The following SPAG16 variants were observed in gnomAD, a reference collection of about 807,000 sequenced individuals.
SPAG16 encodes the protein sperm associated antigen 16.
SPAG16 carries 86 observed loss-of-function variants against 80.4 expected under a neutral mutation model. The observed-to-expected ratio is 1.07, with a 90% confidence interval of 0.90 to 1.28. SPAG16 has a LOEUF of 1.28. Ranked by LOEUF, SPAG16 falls within the 50% of genes most tolerant of loss-of-function variation. SPAG16 has a pLI of 0.00. For missense variants in SPAG16, 870 were observed against 765.3 expected (o/e 1.14, Z -1.61); for synonymous variants, 294 against 265.9 (o/e 1.11, Z -1.03).
At chr2:214,267,085 A>G (rs1029378056) in intron 15 of SPAG16, among the ~76,000 whole-genome samples, 1 of 151,826 alleles carries the variant, frequency 6.6e-6, no homozygotes, top group African/African-American at 2.4e-5. Context: ...AGAAAAAAAA[A>G]TCCTAAAATT....
intron 10 of SPAG16, among the ~76,000 whole-genome samples, chr2:213,809,835 ACT>A (rs906651205): frequency 1.1e-4 from 17 of 152,046 alleles, no homozygotes; most frequent in Non-Finnish European, 2.2e-4. Context: ...AACAACATTA[ACT>A]CTGTTTCTAG....
At chr2:213,708,201 A>G (rs942812047) in intron 10 of SPAG16, among the ~76,000 whole-genome samples, 5 of 152,214 alleles carry the variant, frequency 3.3e-5, no homozygotes, top group African/African-American at 1.2e-4. Flanking sequence ...TATTAACTGT[A>G]CAAAACAAAG....
intron 15 of SPAG16, among the ~76,000 whole-genome samples, chr2:214,258,884 G>A (rs555141485): frequency 1.3e-5 from 2 of 151,228 alleles, no homozygotes; most frequent in South Asian, 2.1e-4. Flanking sequence ...ATTTCAATTT[G>A]GTATTTTATA....
chr2:213,744,303 C>A (rs1175157204), intron 10 of SPAG16, among the ~76,000 whole-genome samples: 1 of 152,052 alleles, frequency 6.6e-6, no homozygotes, highest in Non-Finnish European at 1.5e-5. Flanking sequence ...AATTGAGAAT[C>A]TCCTCCTTGA....
intron 10 of SPAG16, among the ~76,000 whole-genome samples, chr2:213,667,280 G>T (rs1284224890): frequency 6.6e-6 from 1 of 152,174 alleles, no homozygotes; most frequent in African/African-American, 2.4e-5. Context: ...AGATCACTAG[G>T]AAATTCAGGA....
chr2:214,245,238 G>C (rs1428610202), intron 15 of SPAG16, among the ~76,000 whole-genome samples: 1 of 152,094 alleles, frequency 6.6e-6, no homozygotes, highest in Admixed American at 6.6e-5. Flanking sequence ...TTATGTAGAT[G>C]CTTTTAATAT....
intron 10 of SPAG16, among the ~76,000 whole-genome samples, chr2:213,841,853 T>C (rs537559313): frequency 6.6e-6 from 1 of 152,264 alleles, no homozygotes; most frequent in East Asian, 1.9e-4. Flanking sequence ...GTTATATGTA[T>C]AAGAATTTTT....
intron 9 of SPAG16, among the ~76,000 whole-genome samples, chr2:213,456,895 T>C (rs1475732196): frequency 6.6e-6 from 1 of 152,202 alleles, no homozygotes; most frequent in Non-Finnish European, 1.5e-5. Context: ...GATTTGGTAT[T>C]GTTTCTAACA....
intron 12 of SPAG16, among the ~76,000 whole-genome samples, chr2:213,950,471 C>T (rs551067211): frequency 1.0e-4 from 15 of 148,802 alleles, no homozygotes; most frequent in African/African-American, 3.4e-4. Flanking sequence ...GAAATAAGAA[C>T]ACAGGTCACA....
intron 8 of SPAG16, among the ~76,000 whole-genome samples, chr2:213,370,279 G>A (rs1300715842): frequency 6.6e-6 from 1 of 152,110 alleles, no homozygotes; most frequent in African/African-American, 2.4e-5. Context: ...TTAATGTTAA[G>A]AAGTAAAAAC....
intron 10 of SPAG16, among the ~76,000 whole-genome samples, chr2:213,639,097 T>G (rs556201047): frequency 1.1e-3 from 167 of 152,350 alleles, no homozygotes; most frequent in African/African-American, 3.8e-3. Flanking sequence ...TACAATATCT[T>G]TCTTCCATCT....
At chr2:213,553,253 G>A (rs1006926388) in intron 10 of SPAG16, among the ~76,000 whole-genome samples, 1 of 152,076 alleles carries the variant, frequency 6.6e-6, no homozygotes, top group Non-Finnish European at 1.5e-5. Context: ...TACCCCAGAA[G>A]CAGCCCACAG....
At chr2:213,540,608 C>A (rs74509121) in intron 10 of SPAG16, among the ~76,000 whole-genome samples, 7,757 of 152,026 alleles carry the variant, frequency 0.051, 682 homozygotes, top group African/African-American at 0.18. Context: ...ATTTTTCAAA[C>A]AGAATTAGAA....
intron 12 of SPAG16, among the ~76,000 whole-genome samples, chr2:213,963,713 T>A (rs746225151): frequency 2.6e-5 from 4 of 152,170 alleles, no homozygotes; most frequent in Non-Finnish European, 4.4e-5. Flanking sequence ...GTTTATTTTA[T>A]GTACCTATTA....
At chr2:213,678,439 C>T (rs1292890643) in intron 10 of SPAG16, among the ~76,000 whole-genome samples, 3 of 152,102 alleles carry the variant, frequency 2.0e-5, no homozygotes, top group Non-Finnish European at 2.9e-5. Context: ...AAGGGGATAT[C>T]ACCACCGATC....
chr2:213,853,812 G>A (rs1202089401), intron 10 of SPAG16, among the ~76,000 whole-genome samples: 1 of 152,196 alleles, frequency 6.6e-6, no homozygotes, highest in Non-Finnish European at 1.5e-5. Flanking sequence ...TTATTTATTA[G>A]AACTTTGGGA....
intron 14 of SPAG16, among the ~76,000 whole-genome samples, chr2:214,108,529 T>C: frequency 6.6e-6 from 1 of 151,566 alleles, no homozygotes; most frequent in East Asian, 1.9e-4. Flanking sequence ...AATTCTACTG[T>C]AGTCAACTTT....
chr2:214,133,129 TAAA>T (rs71037345), intron 14 of SPAG16, among the ~76,000 whole-genome samples: 1 of 141,408 alleles, frequency 7.1e-6, no homozygotes, highest in Non-Finnish European at 1.5e-5. Flanking sequence ...TAAATAATAA[TAAA>T]AAAAAAACCT....
intron 12 of SPAG16, among the ~76,000 whole-genome samples, chr2:213,992,423 G>T (rs948224435): frequency 5.3e-5 from 8 of 151,952 alleles, no homozygotes; most frequent in Non-Finnish European, 5.9e-5. Flanking sequence ...AGTTGGGCCT[G>T]AGCATATATT....
Sources: gnomAD v4.1 joint callset for allele counts (sites outside exome capture counted in the v4.1 genomes callset) on GRCh38, gnomAD v4.1.1 for gene constraint, MANE v1.5 for transcripts, NCBI Gene and HGNC (gene_info 2026-07-23, HGNC 2026-07-21) for gene names.